The following BANK1 variants were observed in gnomAD, a reference collection of about 807,000 sequenced individuals.
BANK1 encodes B cell scaffold protein with ankyrin repeats 1, also known as B-cell scaffold protein with ankyrin repeats.
BANK1 carries 95 observed loss-of-function variants against 94.5 expected under a neutral mutation model. The ratio of observed to expected loss-of-function variants is 1.00; its 90% CI spans 0.85 to 1.19. BANK1 has a LOEUF of 1.19. Ranked by LOEUF, BANK1 falls within the 50% of genes most tolerant of loss-of-function variation. BANK1 has a pLI of 0.00. For synonymous variants in BANK1, 334 were observed against 308.4 expected (o/e 1.08, Z -0.87); for missense variants, 987 against 932.2 (o/e 1.06, Z -0.77).
intron 1 of BANK1, among the ~76,000 whole-genome samples, chr4:101,811,149 G>T (rs950635352): frequency 2.0e-5 from 3 of 152,130 alleles, no homozygotes; most frequent in Admixed American, 1.3e-4. Flanking sequence ...TGTGCTAGCT[G>T]CTGTGTGCTT....
At chr4:102,025,612 T>C (rs1307546090) in intron 9 of BANK1, 103 bp downstream of exon 9, 3 of 1,113,466 alleles carry the variant, frequency 2.7e-6, no homozygotes, top group Non-Finnish European at 3.8e-6. Context: ...GCAGATCAGC[T>C]TTTGAAACCA....
At chr4:102,026,884 C>A (rs777149213) in intron 9 of BANK1, among the ~76,000 whole-genome samples, 5 of 151,450 alleles carry the variant, frequency 3.3e-5, no homozygotes, top group Admixed American at 2.0e-4. Flanking sequence ...TATGAAGACC[C>A]AAGTTTACCA....
intron 3 of BANK1, among the ~76,000 whole-genome samples, chr4:101,859,490 T>A (rs1727793989): frequency 6.6e-6 from 1 of 152,198 alleles, no homozygotes; most frequent in Non-Finnish European, 1.5e-5. Context: ...TCATAAACCT[T>A]TGTTTCCCTG....
At chr4:101,853,792 A>C (rs1376330373) in intron 2 of BANK1, among the ~76,000 whole-genome samples, 2 of 152,164 alleles carry the variant, frequency 1.3e-5, no homozygotes, top group African/African-American at 4.8e-5. Flanking sequence ...ATTCCCAGAC[A>C]AACTAGGAGG....
At chr4:102,016,154 T>C (rs1267217884) in intron 7 of BANK1, among the ~76,000 whole-genome samples, 1 of 152,230 alleles carries the variant, frequency 6.6e-6, no homozygotes, top group Non-Finnish European at 1.5e-5. Context: ...TTCTTTGAAA[T>C]TGTCTATCCC....
intron 7 of BANK1, among the ~76,000 whole-genome samples, chr4:102,016,139 A>G (rs1048430911): frequency 6.6e-6 from 1 of 152,204 alleles, no homozygotes; most frequent in African/African-American, 2.4e-5. Context: ...ATTTAATATC[A>G]TCTATTCTTT....
intron 7 of BANK1, among the ~76,000 whole-genome samples, chr4:102,018,913 G>T (rs1379090239): frequency 6.6e-6 from 1 of 151,406 alleles, no homozygotes; most frequent in Non-Finnish European, 1.5e-5. Flanking sequence ...CTGCCTCCGG[G>T]CTCAAGCAAT....
intron 7 of BANK1, among the ~76,000 whole-genome samples, chr4:101,919,781 G>C (rs1279008602): frequency 6.6e-6 from 1 of 151,968 alleles, no homozygotes; most frequent in Non-Finnish European, 1.5e-5. Flanking sequence ...ATGTTCTGCT[G>C]TCAGTAAGGA....
chr4:101,945,850 A>G (rs540065573), intron 7 of BANK1, among the ~76,000 whole-genome samples: 2 of 152,118 alleles, frequency 1.3e-5, no homozygotes, highest in South Asian at 4.1e-4. Flanking sequence ...ACATCAGGAC[A>G]TATACTACAT....
At chr4:101,798,355 A>G (rs1327916516) in intron 1 of BANK1, among the ~76,000 whole-genome samples, 2 of 152,190 alleles carry the variant, frequency 1.3e-5, no homozygotes, top group African/African-American at 2.4e-5. Flanking sequence ...CAGCAATTTA[A>G]TTGTTCTCAA....
At chr4:101,797,069 C>G (rs1235531923) in intron 1 of BANK1, among the ~76,000 whole-genome samples, 1 of 152,036 alleles carries the variant, frequency 6.6e-6, no homozygotes, top group Non-Finnish European at 1.5e-5. Flanking sequence ...TTTTACCAGC[C>G]TATTTTTCTG....
intron 4 of BANK1, among the ~76,000 whole-genome samples, chr4:101,869,561 A>G (rs1436473624): frequency 1.3e-5 from 2 of 151,936 alleles, no homozygotes; most frequent in African/African-American, 4.8e-5. Flanking sequence ...TTCCCTCAGC[A>G]ATATTATAAG....
chr4:101,903,103 A>T (rs922116125), intron 6 of BANK1, among the ~76,000 whole-genome samples: 2 of 152,222 alleles, frequency 1.3e-5, no homozygotes, highest in African/African-American at 4.8e-5. Flanking sequence ...GCGTCTGGAA[A>T]ACTTTACTTT....
intron 6 of BANK1, among the ~76,000 whole-genome samples, chr4:101,898,194 G>C (rs1722157280): frequency 6.6e-6 from 1 of 151,878 alleles, no homozygotes; most frequent in South Asian, 2.1e-4. Context: ...ACATGAATAT[G>C]ACTCAGCTAG....
chr4:102,032,264 A>C (rs1028932590), intron 10 of BANK1: 1 of 152,142 alleles, frequency 6.6e-6, no homozygotes, highest in Admixed American at 6.5e-5. Context: ...ATGGAATCCC[A>C]TGTTGTGTTC....
Position 101,927,455 on chromosome 4 carries a change from C to T in BANK1, c.1206+9266C>T, listed in dbSNP as rs999925985. ...TCATATGATTTAAATTGATCAGAGT[C>T]ACAACTATATTGATCACAGACCATA... On this transcript the variant is annotated intron_variant, in intron 7 of 16. Coordinates refer to ENST00000322953, the MANE Select transcript of BANK1 (RefSeq NM_017935.5). 4.0e-5 allele frequency among the ~76,000 whole-genome samples: 6 copies of T among 151,632 alleles called. No homozygotes were observed. The South Asian group carries it at 1.2e-3, about 31-fold the overall frequency.
At chr4:101,898,804 A>G (rs1358909290) in intron 6 of BANK1, among the ~76,000 whole-genome samples, 8 of 152,028 alleles carry the variant, frequency 5.3e-5, no homozygotes, top group Non-Finnish European at 8.8e-5. Flanking sequence ...GTCATTTTTT[A>G]TTCCTCTCTA....
At chr4:102,014,777 G>T (rs2148943816) in intron 7 of BANK1, among the ~76,000 whole-genome samples, 1 of 152,064 alleles carries the variant, frequency 6.6e-6, no homozygotes, top group East Asian at 1.9e-4. Context: ...TATGTTAGAT[G>T]GAATGTCTGA....
chr4:101,857,527 C>T (rs142648941), intron 3 of BANK1, among the ~76,000 whole-genome samples: 159 of 152,210 alleles, frequency 1.0e-3, no homozygotes, highest in African/African-American at 3.5e-3. Flanking sequence ...TTTAGTCTAT[C>T]GTTAATTAAG....
Sources: gnomAD v4.1 joint callset for allele counts (sites outside exome capture counted in the v4.1 genomes callset) on GRCh38, gnomAD v4.1.1 for gene constraint, MANE v1.5 for transcripts, NCBI Gene and HGNC (gene_info 2026-07-23, HGNC 2026-07-21) for gene names.